The following TDRD3 variants were observed in gnomAD, a reference collection of about 807,000 sequenced individuals.
TDRD3 encodes tudor domain containing 3.
TDRD3 carries 45 observed loss-of-function variants against 86.7 expected under a neutral mutation model. That is an observed-to-expected ratio of 0.52 (90% CI 0.41 to 0.67). The LOEUF is 0.67. TDRD3 is among the 30% of genes least tolerant of loss of function. The probability of loss-of-function intolerance (pLI) is 0.00; values close to 1 mark genes in which losing one functional copy is unlikely to be tolerated. For missense variants in TDRD3, 814 were observed against 889.0 expected, an observed-to-expected ratio of 0.92 and a Z score of 1.07; for synonymous variants, 298 against 301.7, an observed-to-expected ratio of 0.99 and a Z score of 0.13.
At position 60,397,406 on chromosome 13, in the gene TDRD3, G is replaced by A; in HGVS notation, c.41+1G>A. On this transcript the variant is annotated splice_donor_variant, in intron 1 of 13. Coordinates refer to ENST00000377881, the MANE Select transcript of TDRD3 (RefSeq NM_001146070.2). LOFTEE classifies it high-confidence loss of function. ...GCGCGGCGTTGTCCCAGGCGGGTTG[G>A]TAAGTGGCGAGTCCCGCCGGCTGCC... The A allele has an allele frequency of 1.3e-6, 2 of 1,496,660 alleles. No homozygotes were observed. The highest frequency in any genetic ancestry group is 1.8e-6 in the Non-Finnish European group (2 of 1,124,898). The allele number at this position is 1,496,660 out of a possible 1,614,324, so 92.7% of individuals were successfully genotyped here.
intron 10 of TDRD3, among the ~76,000 whole-genome samples, chr13:60,517,368 T>C (rs1957195654): frequency 6.6e-6 from 1 of 152,146 alleles, no homozygotes; most frequent in Non-Finnish European, 1.5e-5. Flanking sequence ...TTAGGCTAGA[T>C]GTTATTGTGA....
At chr13:60,483,710 T>C (rs923531650) in intron 5 of TDRD3, 65 bp from the exon 6 acceptor site, 12 of 1,467,616 alleles carry the variant, frequency 8.2e-6, no homozygotes, top group Non-Finnish European at 1.0e-5. Context: ...TCCTGTTACA[T>C]TATAAATGCT....
At chr13:60,475,061 C>T (rs561529799) in intron 5 of TDRD3, among the ~76,000 whole-genome samples, 7 of 151,748 alleles carry the variant, frequency 4.6e-5, no homozygotes, top group Admixed American at 1.3e-4. Context: ...TCTTTATCTA[C>T]TTTTAAGTCT....
intron 1 of TDRD3, among the ~76,000 whole-genome samples, chr13:60,412,701 A>G (rs1294481276): frequency 2.6e-5 from 4 of 152,240 alleles, no homozygotes; most frequent in African/African-American, 9.6e-5. Flanking sequence ...ATATTGGCCA[A>G]CTGCTTGATT....
At chr13:60,397,737 G>C (rs948417163) in intron 1 of TDRD3, among the ~76,000 whole-genome samples, 19 of 151,396 alleles carry the variant, frequency 1.3e-4, no homozygotes, top group Admixed American at 6.6e-5. Flanking sequence ...GCGCCGGGGA[G>C]GACCTGCAGC....
intron 8 of TDRD3, among the ~76,000 whole-genome samples, chr13:60,507,765 C>T (rs1339420824): frequency 6.6e-6 from 1 of 152,198 alleles, no homozygotes; most frequent in Non-Finnish European, 1.5e-5. Context: ...ATTGGATGTT[C>T]TGGCCAGGGC....
intron 12 of TDRD3, among the ~76,000 whole-genome samples, chr13:60,539,568 CTTT>C (rs1422830860): frequency 1.3e-5 from 2 of 151,180 alleles, no homozygotes; most frequent in African/African-American, 4.9e-5. Context: ...GGTTTGGGTT[CTTT>C]TTTTATGATA....
chr13:60,569,880 G>A (rs2138008094), intron 13 of TDRD3, among the ~76,000 whole-genome samples: 1 of 152,254 alleles, frequency 6.6e-6, no homozygotes, highest in African/African-American at 2.4e-5. Flanking sequence ...ATGGATGAAT[G>A]AAACTAGATT....
intron 1 of TDRD3, among the ~76,000 whole-genome samples, chr13:60,436,900 G>A (rs188128733): frequency 3.5e-3 from 526 of 152,138 alleles, no homozygotes; most frequent in Non-Finnish European, 6.0e-3. Flanking sequence ...GATCTTCTAC[G>A]ATGCAGAAGG....
intron 3 of TDRD3, among the ~76,000 whole-genome samples, chr13:60,446,753 T>C (rs893297227): frequency 6.6e-6 from 1 of 152,156 alleles, no homozygotes; most frequent in Non-Finnish European, 1.5e-5. Context: ...AAGGAATATA[T>C]TTTTGATGTG....
At chr13:60,418,222 C>A (rs1566176322) in intron 1 of TDRD3, among the ~76,000 whole-genome samples, 1 of 152,028 alleles carries the variant, frequency 6.6e-6, no homozygotes, top group African/African-American at 2.4e-5. Flanking sequence ...TATTTTATGT[C>A]CTGCCACTGT....
intron 4 of TDRD3, among the ~76,000 whole-genome samples, chr13:60,465,879 T>C (rs938216675): frequency 6.6e-6 from 1 of 152,170 alleles, no homozygotes; most frequent in African/African-American, 2.4e-5. Flanking sequence ...CTTCTTGCTG[T>C]ATGTGAGAAG....
chr13:60,435,918 G>GTTTT (rs767705603), intron 1 of TDRD3, among the ~76,000 whole-genome samples: 1 of 124,774 alleles, frequency 8.0e-6, no homozygotes, highest in South Asian at 2.8e-4. Flanking sequence ...AACATCTATG[G>GTTTT]TTTTTTTTTT....
rs1167194419 is a variant in TDRD3, at chr13:60,510,512, A to C, written c.1016-118A>C. On this transcript the variant is annotated intron_variant, in intron 9 of 13. Coordinates refer to ENST00000377881, the MANE Select transcript of TDRD3 (RefSeq NM_001146070.2). ...ATTACTTAAAAGATGTAGACTATAC[A>C]AAAAATATGAAAAGAAATTAAAATC... 8.9e-6 allele frequency: 10 copies of C among 1,123,020 alleles called. No homozygotes were observed. In the East Asian group the frequency reaches 3.1e-4, roughly 35 times the overall value. 69.6% of individuals were successfully genotyped at this position (1,123,020 alleles called of 1,614,324 possible). A position where few individuals can be genotyped will look rare whatever the true frequency, so the allele number is the denominator to read the frequency against.
chr13:60,424,061 G>C (rs1054567304), intron 1 of TDRD3, among the ~76,000 whole-genome samples: 4 of 151,844 alleles, frequency 2.6e-5, no homozygotes, highest in Non-Finnish European at 4.4e-5. Context: ...TTACTCTGTC[G>C]CCCAGGCTGG....
chr13:60,550,311 G>T (rs1958018814), intron 12 of TDRD3, among the ~76,000 whole-genome samples: 1 of 152,042 alleles, frequency 6.6e-6, no homozygotes, highest in Non-Finnish European at 1.5e-5. Context: ...AGAATTATTT[G>T]TATTCATCTA....
intron 12 of TDRD3, among the ~76,000 whole-genome samples, chr13:60,541,716 C>CTTTTTTTTTTTTTTTTTTTTTTTTTT (rs71199007): frequency 7.3e-5 from 3 of 41,008 alleles, no homozygotes; most frequent in Admixed American, 3.6e-4. Flanking sequence ...TCAGCATAGT[C>CTTTTTTTTTTTTTTTTTTTTTTTTTT]TTTTTTTTTT....
chr13:60,461,775 G>C (rs1293325917), intron 4 of TDRD3, among the ~76,000 whole-genome samples: 1 of 152,148 alleles, frequency 6.6e-6, no homozygotes, highest in Non-Finnish European at 1.5e-5. Flanking sequence ...AGAGGTCTAA[G>C]AGTCTCAAAA....
At chr13:60,401,405 C>T (rs1479578085) in intron 1 of TDRD3, among the ~76,000 whole-genome samples, 1 of 152,100 alleles carries the variant, frequency 6.6e-6, no homozygotes, top group African/African-American at 2.4e-5. Flanking sequence ...TACTACACTA[C>T]ACTATTTTGT....
Sources: allele counts gnomAD v4.1 joint callset (sites outside exome capture counted in the v4.1 genomes callset), GRCh38; gene constraint gnomAD v4.1.1; transcripts MANE v1.5; gene names NCBI Gene and HGNC (gene_info 2026-07-23, HGNC 2026-07-21).